CACNA1D: variants seen among roughly 807,000 people sequenced by gnomAD.
CACNA1D encodes calcium voltage-gated channel subunit alpha1 D, also known as voltage-dependent L-type calcium channel subunit alpha-1D.
In CACNA1D, 55 loss-of-function variants were observed where a neutral mutation model predicts 257.1. That is an observed-to-expected ratio of 0.21 (90% CI 0.17 to 0.27). The LOEUF is 0.27. CACNA1D is among the 10% of genes least tolerant of loss of function. The pLI is 1.00. For missense variants in CACNA1D, 1,876 were observed against 2,784.0 expected (o/e 0.67, Z 7.34); for synonymous variants, 980 against 1,014.9 (o/e 0.97, Z 0.65).
rs565250645 is a variant in CACNA1D at position 53,596,465 on chromosome 3, T to A, written c.484-54314T>A. On this transcript the variant is annotated intron_variant, in intron 3 of 47. Coordinates refer to ENST00000350061, the MANE Select transcript of CACNA1D (RefSeq NM_001128840.3). ...CAAAAGATTTCCACATCCTAATCTCTTGAACCTGTGAGTATGTTACCTTAC... is the reference window on the plus strand; with the variant it reads ...CAAAAGATTTCCACATCCTAATCTCATGAACCTGTGAGTATGTTACCTTAC... 2.4e-4 allele frequency among the ~76,000 whole-genome samples: 37 copies of A among 152,306 alleles called. No homozygotes were observed. The South Asian group carries it at 7.7e-3, about 32-fold the overall frequency.
intron 26 of CACNA1D, 38 bp from the exon 27 acceptor site, chr3:53,749,230 G>A (rs2095202594): frequency 6.8e-7 from 1 of 1,480,480 alleles, no homozygotes; most frequent in Non-Finnish European, 9.4e-7. Context: ...GTGGGCTGGG[G>A]GGCTTGGCAG....
rs372702877 is a variant in CACNA1D at position 53,759,192 on chromosome 3, T to C, written c.3787-2806T>C. Among the ~76,000 whole-genome samples, 39 of 152,284 alleles carry C rather than the reference T, an allele frequency of 2.6e-4. No individual in the cohort carries two copies. In the East Asian group the frequency reaches 4.6e-3, roughly 18 times the overall value. On this transcript the variant is annotated intron_variant, in intron 29 of 47. Transcript: ENST00000350061. Reference sequence around the variant, plus strand: ...GAGAGTCAATGAAATTGCCAAAAAATTCCAAGACCCCAAGGAAATATTAAG... The same window carrying C: ...GAGAGTCAATGAAATTGCCAAAAAACTCCAAGACCCCAAGGAAATATTAAG...
At chr3:53,509,562 T>C (rs545817482) in intron 3 of CACNA1D, among the ~76,000 whole-genome samples, 2 of 152,248 alleles carry the variant, frequency 1.3e-5, no homozygotes, top group South Asian at 2.1e-4. Context: ...AATTATTGAA[T>C]GAGTGAACGC....
intron 3 of CACNA1D, among the ~76,000 whole-genome samples, chr3:53,644,243 G>A (rs1230236936): frequency 2.0e-5 from 3 of 152,138 alleles, no homozygotes; most frequent in Non-Finnish European, 1.5e-5. Flanking sequence ...ATGATGTTTT[G>A]ATATATGCAT....
At chr3:53,648,581 G>T (rs1296481510) in intron 3 of CACNA1D, among the ~76,000 whole-genome samples, 1 of 152,112 alleles carries the variant, frequency 6.6e-6, no homozygotes, top group Non-Finnish European at 1.5e-5. Flanking sequence ...TCCTCTGGGG[G>T]ATATGGCAGG....
intron 20 of CACNA1D, among the ~76,000 whole-genome samples, chr3:53,738,437 A>C (rs1396679343): frequency 2.6e-5 from 4 of 152,208 alleles, no homozygotes; most frequent in African/African-American, 9.7e-5. Context: ...GTTGCTCTAG[A>C]TGCCCCAATA....
chr3:53,540,801 G>A (rs574289663), intron 3 of CACNA1D, among the ~76,000 whole-genome samples: 1 of 152,238 alleles, frequency 6.6e-6, no homozygotes, highest in Non-Finnish European at 1.5e-5. Context: ...GAGTGCAATG[G>A]CGTGATCTCG....
At position 53,800,241 on chromosome 3, in the gene CACNA1D, T is replaced by C; in HGVS notation, c.4924-8T>C. 6.2e-7 allele frequency: 1 copy of C among 1,601,692 alleles called. No individual in the cohort carries two copies. Among genetic ancestry groups the C allele is most frequent in the Non-Finnish European group, 8.6e-7 (1 of 1,168,632 alleles). ...GTCTAACCTGTTCTGCCATTTTCAT[T>C]GATCTAGGCGGGATTAAGGACACTG... On this transcript the variant is annotated splice_region_variant and splice_polypyrimidine_tract_variant and intron_variant, in intron 40 of 47. Coordinates refer to ENST00000350061, the MANE Select transcript of CACNA1D (RefSeq NM_001128840.3). This position sits in a 1 kb window ranked among gnomAD's most constrained non-coding sequence, Gnocchi z 4.3.
intron 39 of CACNA1D, among the ~76,000 whole-genome samples, chr3:53,784,970 C>T (rs1028632785): frequency 3.9e-5 from 6 of 152,178 alleles, no homozygotes; most frequent in South Asian, 2.1e-4. Flanking sequence ...ATTTAGCCCT[C>T]TCCATCTGTT....
intron 3 of CACNA1D, among the ~76,000 whole-genome samples, chr3:53,510,857 C>T (rs962800834): frequency 6.6e-6 from 1 of 152,162 alleles, no homozygotes; most frequent in Non-Finnish European, 1.5e-5. Context: ...TTTTAGGAAT[C>T]TATTTTGCAC....
At position 53,543,647 on chromosome 3, in the gene CACNA1D, A is replaced by G. The variant is rs189688923; in HGVS notation, c.483+41927A>G. Among the ~76,000 whole-genome samples, 11 of 152,364 alleles carry G rather than the reference A, an allele frequency of 7.2e-5. No homozygotes were observed. The East Asian group carries it at 1.9e-3, about 27-fold the overall frequency. Reference sequence around the variant, plus strand: ...CTCTAAATTTTAAAGTTGTTGTAAAAGCAGGAACAAAGCCTGTGACATGTA... The same window carrying G: ...CTCTAAATTTTAAAGTTGTTGTAAAGGCAGGAACAAAGCCTGTGACATGTA... On this transcript the variant is annotated intron_variant, in intron 3 of 47. Transcript: ENST00000350061.
chr3:53,557,481 C>T lies in CACNA1D; in HGVS notation c.483+55761C>T, dbSNP rs1044901730. 5.3e-5 allele frequency among the ~76,000 whole-genome samples: 8 copies of T among 151,026 alleles called. No individual in the cohort carries two copies. In the South Asian group the frequency reaches 6.3e-4, roughly 12 times the overall value. On this transcript the variant is annotated intron_variant, in intron 3 of 47. Transcript: ENST00000350061. ...TGCACTCCAGCCTGGGCGACAAGAG[C>T]GAAACTCTGTCTCAAAAAAAAAGAA...
intron 5 of CACNA1D, among the ~76,000 whole-genome samples, chr3:53,663,043 A>G (rs766017773): frequency 4.1e-4 from 63 of 152,186 alleles, no homozygotes; most frequent in Non-Finnish European, 8.2e-4. Context: ...TGAAAAAACC[A>G]TGTGGACATT....
intron 30 of CACNA1D, among the ~76,000 whole-genome samples, chr3:53,767,073 C>G (rs1388076862): frequency 1.3e-5 from 2 of 152,162 alleles, no homozygotes; most frequent in Non-Finnish European, 2.9e-5. Context: ...CCTCGTCAAC[C>G]CAGAAAGAAC....
chr3:53,561,796 G>C (rs1441259566), intron 3 of CACNA1D, among the ~76,000 whole-genome samples: 1 of 152,140 alleles, frequency 6.6e-6, no homozygotes, highest in Non-Finnish European at 1.5e-5. Context: ...ACCTCGTTTG[G>C]AATTTGTTCT....
In CACNA1D at chr3:53,592,751, T is replaced by C. The variant is rs113235208; in HGVS notation, c.484-58028T>C. 5.0e-3 allele frequency among the ~76,000 whole-genome samples: 765 copies of C among 152,110 alleles called. 3 individuals are homozygous for C. Among genetic ancestry groups the C allele is most frequent in the Non-Finnish European group, 7.2e-3 (487 of 67,972 alleles). On this transcript the variant is annotated intron_variant, in intron 3 of 47. Coordinates refer to ENST00000350061, the MANE Select transcript of CACNA1D (RefSeq NM_001128840.3). ...GGAGTTTTGCTCTTGTTGCCCAGGCTGGAGTGCAATGGCACAACCTCAGCT... is the reference window on the plus strand; with the variant it reads ...GGAGTTTTGCTCTTGTTGCCCAGGCCGGAGTGCAATGGCACAACCTCAGCT...
At chr3:53,743,370 A>C (rs932915471) in intron 22 of CACNA1D, among the ~76,000 whole-genome samples, 1 of 152,216 alleles carries the variant, frequency 6.6e-6, no homozygotes, top group African/African-American at 2.4e-5. Context: ...CTGAGGTGAA[A>C]GAAGTGTTGA....
intron 3 of CACNA1D, among the ~76,000 whole-genome samples, chr3:53,542,674 C>A (rs909463581): frequency 2.6e-5 from 4 of 152,082 alleles, no homozygotes; most frequent in African/African-American, 9.7e-5. Flanking sequence ...AGTGAAATAG[C>A]CGGTTTACTT....
At position 53,749,483 on chromosome 3, in the gene CACNA1D, A is replaced by G. The variant is rs1055135123; in HGVS notation, c.3516+14A>G. 2 of 1,590,512 alleles carry G rather than the reference A, an allele frequency of 1.3e-6. No individual in the cohort carries two copies. ...GACAAAAATCAGGTTAAAGTCACAC[A>G]CTGTTTTGGCTTCTGTCCCTTGGTC... On this transcript the variant is annotated intron_variant, in intron 27 of 47. Transcript: ENST00000350061.
Sources: allele counts gnomAD v4.1 joint callset (sites outside exome capture counted in the v4.1 genomes callset), GRCh38; gene constraint gnomAD v4.1.1; non-coding constraint Gnocchi (gnomAD v3.1); transcripts MANE v1.5; gene names NCBI Gene and HGNC (gene_info 2026-07-23, HGNC 2026-07-21).